Variants in SLC9A6 observed in about 807,000 individuals in gnomAD.
The protein encoded by SLC9A6 is solute carrier family 9 member A6.
SLC9A6 carries 6 observed loss-of-function variants against 45.3 expected under a neutral mutation model. That is an observed-to-expected ratio of 0.13 (90% CI 0.07 to 0.26). The LOEUF is 0.26. SLC9A6 is among the 10% of genes least tolerant of loss of function. The probability of loss-of-function intolerance (pLI) is 1.00; values close to 1 mark genes in which losing one functional copy is unlikely to be tolerated. For missense variants in SLC9A6, 278 were observed against 503.7 expected (o/e 0.55, Z 4.29); for synonymous variants, 191 against 187.7 (o/e 1.02, Z -0.14).
At chrX:136,008,427 G>A (rs187495231) in intron 7 of SLC9A6, among the ~76,000 whole-genome samples, 11 of 111,681 alleles carry the variant, frequency 9.8e-5, no homozygotes, top group African/African-American at 3.6e-4. Flanking sequence ...TTTTAGTAGA[G>A]ACGGAGTTTC....
chrX:135,978,632 A>T (rs1556613623), intron 1 of SLC9A6, among the ~76,000 whole-genome samples: 2 of 106,469 alleles, frequency 1.9e-5, no homozygotes, highest in Non-Finnish European at 3.9e-5. Context: ...AGTCTGGGCA[A>T]CAGAGCGAGA....
intron 8 of SLC9A6, among the ~76,000 whole-genome samples, chrX:136,012,406 G>T (rs2070940651): frequency 1.8e-5 from 2 of 112,591 alleles, no homozygotes; most frequent in Admixed American, 9.4e-5. Context: ...CCTGAGATTG[G>T]TCGTAACTTG....
intron 14 of SLC9A6, chrX:136,029,572 AG>A (rs2071283202): frequency 8.4e-6 from 1 of 119,593 alleles, no homozygotes; most frequent in Non-Finnish European, 1.7e-5. Flanking sequence ...TAGGGAATAG[AG>A]AGGAGCCAGA....
chrX:135,986,331 C>G (rs1315307001), intron 2 of SLC9A6, among the ~76,000 whole-genome samples: 4 of 110,830 alleles, frequency 3.6e-5, no homozygotes, highest in Non-Finnish European at 7.6e-5. Context: ...TACGCCCTGT[C>G]CTTTCGAGGT....
At chrX:136,020,373 CAG>C (rs1238391671) in intron 11 of SLC9A6, among the ~76,000 whole-genome samples, 16 of 108,183 alleles carry the variant, frequency 1.5e-4, no homozygotes, top group Admixed American at 1.1e-3. Flanking sequence ...TTTTTTGAGA[CAG>C]AATTTCACTC....
At chrX:135,994,107 CTT>C (rs782645887) in intron 2 of SLC9A6, among the ~76,000 whole-genome samples, 28 of 96,388 alleles carry the variant, frequency 2.9e-4, no homozygotes, top group South Asian at 4.8e-4. Context: ...AAACAAATTT[CTT>C]TTTTTTTTTT....
At chrX:136,002,530 A>G (rs1275022415) in intron 7 of SLC9A6, among the ~76,000 whole-genome samples, 4 of 110,570 alleles carry the variant, frequency 3.6e-5, no homozygotes, top group Non-Finnish European at 7.6e-5. Context: ...CAACATGAGC[A>G]TTTAATTTTT....
rs1048463 is a variant in SLC9A6 at position 136,045,293 on chromosome X, A to G, written c.*569A>G. The G allele has an allele frequency of 0.072, 8,304 of 114,939 alleles. 333 individuals are homozygous for G. Among genetic ancestry groups the G allele is most frequent in the African/African-American group, 0.16 (4,811 of 30,611 alleles). 9.5% of individuals were successfully genotyped at this position (114,939 alleles called of 1,213,427 possible). A position where few individuals can be genotyped will look rare whatever the true frequency, so the allele number is the denominator to read the frequency against. On this transcript the variant is annotated 3_prime_UTR_variant, in exon 18 of 18. Transcript: ENST00000630721. ...CATTCAGGTTGGGGAGTGAAGTGTG[A>G]GGACCCTTTTCCCCCGCTTGCTGTG... is the stretch of plus-strand genomic sequence containing the variant.
intron 1 of SLC9A6, among the ~76,000 whole-genome samples, chrX:135,979,358 G>T (rs1372010626): frequency 9.0e-6 from 1 of 111,321 alleles, no homozygotes; most frequent in Non-Finnish European, 1.9e-5. Context: ...TATGCATATA[G>T]CTCAAAAATC....
At chrX:135,988,447 T>C (rs1455306227) in intron 2 of SLC9A6, among the ~76,000 whole-genome samples, 1 of 108,915 alleles carries the variant, frequency 9.2e-6, no homozygotes, top group Non-Finnish European at 1.9e-5. Flanking sequence ...CTTTCTTTCT[T>C]TCTCTCTCTT....
intron 2 of SLC9A6, among the ~76,000 whole-genome samples, chrX:135,987,681 C>T (rs2089361006): frequency 9.2e-6 from 1 of 108,723 alleles, no homozygotes. Flanking sequence ...AGTTTTACAA[C>T]ATAAAAACTA....
intron 11 of SLC9A6, among the ~76,000 whole-genome samples, chrX:136,019,468 C>T (rs1377550926): frequency 1.8e-5 from 2 of 112,032 alleles, no homozygotes; most frequent in African/African-American, 6.5e-5. Context: ...TGGGTGGCTG[C>T]ATAAAGATGA....
intron 7 of SLC9A6, among the ~76,000 whole-genome samples, chrX:136,009,409 G>T (rs2070876393): frequency 9.0e-6 from 1 of 111,186 alleles, no homozygotes; most frequent in Non-Finnish European, 1.9e-5. Context: ...TAACCTGGGA[G>T]ATATGAAAAG....
At chrX:136,038,365 C>G (rs1285466184) in intron 16 of SLC9A6, among the ~76,000 whole-genome samples, 1 of 112,103 alleles carries the variant, frequency 8.9e-6, no homozygotes, top group East Asian at 2.8e-4. Context: ...GAATGTTAAA[C>G]TAGTCTTGCA....
intron 10 of SLC9A6, 71 bp downstream of exon 10, chrX:136,013,508 A>C (rs1225879859): frequency 1.9e-5 from 14 of 742,314 alleles, no homozygotes; most frequent in Non-Finnish European, 2.5e-5. Context: ...TTTTTACTAA[A>C]AAAAAAAAAT....
intron 6 of SLC9A6, 59 bp downstream of exon 6, chrX:135,999,027 C>G: frequency 1.4e-6 from 1 of 731,402 alleles, no homozygotes; most frequent in South Asian, 2.1e-5. Context: ...CAGTCAAATA[C>G]ATGTGGGTTT....
Position 136,015,262 on chromosome X carries a change from T to G in SLC9A6, c.1081-1383T>G, listed in dbSNP as rs186381731. Among the ~76,000 whole-genome samples, 366 of 113,047 alleles carry G rather than the reference T, an allele frequency of 3.2e-3. 2 individuals are homozygous for G. Among genetic ancestry groups the G allele is most frequent in the Non-Finnish European group, 3.3e-3 (178 of 53,403 alleles). On this transcript the variant is annotated intron_variant, in intron 10 of 17. Coordinates refer to ENST00000630721, the MANE Select transcript of SLC9A6 (RefSeq NM_001379110.1). ...TTCTTGGCACACAGCCACACCCATT[T>G]TTTAAAATATATAGTCTATGGCTGC...
chrX:136,010,205 G>C (rs1314993898), intron 7 of SLC9A6: 2 of 390,544 alleles, frequency 5.1e-6, no homozygotes, highest in Admixed American at 8.8e-5. Flanking sequence ...TTTTCATATA[G>C]AGGATTTTAC....
chrX:136,001,026 T>TA (rs2089574157), intron 6 of SLC9A6, among the ~76,000 whole-genome samples: 1 of 110,686 alleles, frequency 9.0e-6, no homozygotes, highest in Non-Finnish European at 1.9e-5. Flanking sequence ...TTCTTGTTTT[T>TA]ATGATTGGCA....
Sources: allele counts gnomAD v4.1 joint callset (sites outside exome capture counted in the v4.1 genomes callset), GRCh38; gene constraint gnomAD v4.1.1; transcripts MANE v1.5; gene names NCBI Gene and HGNC (gene_info 2026-07-23, HGNC 2026-07-21).